CHAMP1: variants seen among roughly 807,000 people sequenced by gnomAD.
The protein encoded by CHAMP1 is chromosome alignment maintaining phosphoprotein 1.
A neutral mutation model predicts 54.5 loss-of-function variants in CHAMP1; 4 were observed. The observed-to-expected ratio is 0.07, with a 90% CI of 0.04 to 0.17. The LOEUF (loss-of-function observed/expected upper bound fraction) is 0.17. Ranked by LOEUF, CHAMP1 falls within the 10% of genes least tolerant of loss-of-function variation. The pLI is 1.00. For missense variants in CHAMP1, 994 were observed against 968.6 expected (o/e 1.03, Z -0.35); for synonymous variants, 368 against 342.2 (o/e 1.08, Z -0.83).
In CHAMP1 at chr13:114,325,599, C is replaced by A. The variant is rs1435710732; in HGVS notation, c.1757C>A (p.Ala586Asp). Residue 586 changes from alanine to aspartate, a missense_variant, in exon 3 of 3, where the codon GCC becomes GAC. Ala to Asp is a moderately radical substitution (Grantham distance 126). This residue lies in a region of CHAMP1 where 851 missense variants were observed against 701.3 expected (regional missense o/e 1.21). Coordinates refer to ENST00000361283, the MANE Select transcript of CHAMP1 (RefSeq NM_032436.4). ...VELGDELQID[A>D]IDDQKCDILV... ...CTTGGTGATGAACTACAAATAGATG[C>A]CATAGATGATCAAAAATGTGATATT... The A allele has an allele frequency of 6.2e-7, 1 of 1,614,134 alleles. No homozygotes were observed. The highest frequency in any genetic ancestry group is 2.2e-5 in the East Asian group (1 of 44,886).
intron 2 of CHAMP1, chr13:114,322,962 T>G (rs1594868692): frequency 2.0e-5 from 3 of 152,206 alleles, no homozygotes; most frequent in African/African-American, 7.2e-5. Flanking sequence ...TTTTTTTAAA[T>G]TCATGTTTTC....
intron 1 of CHAMP1, among the ~76,000 whole-genome samples, chr13:114,316,378 C>T (rs78741495): frequency 3.3e-5 from 5 of 151,658 alleles, no homozygotes; most frequent in African/African-American, 9.7e-5. Flanking sequence ...GGTTAGGCTG[C>T]TCTCTGACTT....
At position 114,324,944 on chromosome 13, in the gene CHAMP1, G is replaced by C. The variant is rs1555379655; in HGVS notation, c.1102G>C (p.Ala368Pro). The change falls in exon 3 of 3, where the codon GCA becomes CCA. Residue 368 changes from alanine (A) to proline (P), a missense_variant. Physicochemically the swap from Ala to Pro is conservative, Grantham distance 27 (BLOSUM62 -1). Coordinates refer to ENST00000361283, the MANE Select transcript of CHAMP1 (RefSeq NM_032436.4). The stretch of plus-strand genomic sequence containing the variant: ...GAAACCAACTCCATCTGTGTCTTCT[G>C]CATCCTGGAAATCTTCATCAGTCTC... ...PWKPTPSVSS[A>P]SWKSSSVSPS... 1.2e-6 allele frequency: 2 copies of C among 1,613,868 alleles called. No homozygotes were observed. Among genetic ancestry groups the C allele is most frequent in the African/African-American group, 1.3e-5 (1 of 74,846 alleles).
At chr13:114,318,524 G>A (rs1379640863) in intron 1 of CHAMP1, among the ~76,000 whole-genome samples, 2 of 151,866 alleles carry the variant, frequency 1.3e-5, no homozygotes, top group African/African-American at 4.8e-5. Context: ...GGGTTTCGCC[G>A]TGTTGCCCAG....
intron 1 of CHAMP1, among the ~76,000 whole-genome samples, chr13:114,318,673 G>C (rs971983113): frequency 3.9e-5 from 6 of 151,950 alleles, no homozygotes; most frequent in Admixed American, 3.3e-4. Context: ...AAAGGAACTC[G>C]TTCTAGTTCA....
At position 114,325,924 on chromosome 13, in the gene CHAMP1, T is replaced by C. The variant is rs9525332; in HGVS notation, c.2082T>C (p.Ser694=). Residue 694 remains serine (S), a synonymous_variant, in exon 3 of 3, where the codon TCT becomes TCC. Coordinates refer to ENST00000361283, the MANE Select transcript of CHAMP1 (RefSeq NM_032436.4). ...CTGAAGAAAAAGAAGCTTTTATCTC[T>C]GAAGAGGAGATTGCAAAATACATGA... ...QFTEEKEAFI[S]EEEIAKYMKR... 134,757 of 1,614,028 alleles carry C rather than the reference T, an allele frequency of 0.083. 6,441 individuals are homozygous for C. Among genetic ancestry groups the C allele is most frequent in the Admixed American group, 0.18 (11,053 of 60,004 alleles).
In CHAMP1 at chr13:114,325,384, C is replaced by G; in HGVS notation, c.1542C>G (p.Ile514Met). Residue 514 changes from isoleucine (I) to methionine (M), a missense_variant, in exon 3 of 3, where the codon ATC (isoleucine) becomes ATG (methionine). Coordinates refer to ENST00000361283, the MANE Select transcript of CHAMP1 (RefSeq NM_032436.4). The stretch of plus-strand genomic sequence containing the variant: ...AGTCCCCCAAAGCAGCCTCAGATAT[C>G]TGGAAGCCTGTTCTCTCTATCGATA... ...PSESPKAASDIWKPVLSIDTE... is the reference protein window; with the variant it reads ...PSESPKAASDMWKPVLSIDTE... 6.2e-7 allele frequency: 1 copy of G among 1,614,140 alleles called. No homozygotes were observed. Among genetic ancestry groups the G allele is most frequent in the Non-Finnish European group, 8.5e-7 (1 of 1,180,036 alleles).
intron 2 of CHAMP1, chr13:114,322,647 G>A (rs2087189598): frequency 6.6e-6 from 1 of 152,172 alleles, no homozygotes; most frequent in Non-Finnish European, 1.5e-5. Flanking sequence ...TCCATTGCTA[G>A]GAATTTTCCC....
intron 2 of CHAMP1, chr13:114,322,036 A>ATTTTTTTTT (rs35744396): frequency 7.9e-6 from 1 of 126,694 alleles, no homozygotes; most frequent in Non-Finnish European, 1.6e-5. Context: ...AGAAATGTTA[A>ATTTTTTTTT]TTTTTTTTTT....
At chr13:114,315,545 GATAC>G (rs1400187942) in intron 1 of CHAMP1, among the ~76,000 whole-genome samples, 5 of 152,256 alleles carry the variant, frequency 3.3e-5, no homozygotes, top group Admixed American at 6.5e-5. Context: ...ATGAAATTCT[GATAC>G]ATGCTGCAAT....
Sources: gnomAD v4.1 joint callset for allele counts (sites outside exome capture counted in the v4.1 genomes callset) on GRCh38, gnomAD v4.1.1 for gene constraint, gnomAD v4.1.1 regional missense constraint, MANE v1.5 for transcripts, NCBI Gene and HGNC (gene_info 2026-07-23, HGNC 2026-07-21) for gene names.